Variants in CALN1 observed in about 807,000 individuals in gnomAD.
The protein encoded by CALN1 is calcium-binding protein 8.
In CALN1, 17 loss-of-function variants were observed where a neutral mutation model predicts 30.6. That is an observed-to-expected ratio of 0.56 (90% confidence interval 0.38 to 0.83). The LOEUF is 0.83. Among genes scored for constraint, CALN1 ranks in the 40% least tolerant of loss-of-function variants. The pLI, the probability that CALN1 is intolerant of heterozygous loss-of-function variation, is 0.00. For missense variants in CALN1, 291 were observed against 354.9 expected, an observed-to-expected ratio of 0.82 and a Z score of 1.45; for synonymous variants, 156 against 131.4, an observed-to-expected ratio of 1.19 and a Z score of -1.28.
chr7:71,964,859 T>C (rs1344400690), intron 5 of CALN1, among the ~76,000 whole-genome samples: 2 of 152,072 alleles, frequency 1.3e-5, no homozygotes, highest in East Asian at 1.9e-4. Context: ...TACTGACCAA[T>C]GTAATGTTCT....
chr7:71,784,558 G>A lies in CALN1; in HGVS notation c.*3217C>T, dbSNP rs1393503793. On this transcript the variant is annotated 3_prime_UTR_variant, in exon 7 of 7. Transcript: ENST00000395275. ...TGGAAAGGTGGGGCGCAGCTTCTTT[G>A]GGGATCAAGGGGGTCAGGGTCCATT... The A allele has an allele frequency of 8.5e-6, 3 of 352,016 alleles. No homozygotes were observed. The East Asian group carries it at 1.3e-4, about 15-fold the overall frequency. 21.8% of individuals were successfully genotyped at this position (352,016 alleles called of 1,614,324 possible).
chr7:72,352,413 G>C (rs528609385), intron 2 of CALN1, among the ~76,000 whole-genome samples: 64 of 132,056 alleles, frequency 4.8e-4, no homozygotes, highest in African/African-American at 1.8e-3. Context: ...AAAAAACTTT[G>C]AGATTTTAAA....
intron 3 of CALN1, among the ~76,000 whole-genome samples, chr7:72,125,774 C>A (rs2129542502): frequency 6.7e-6 from 1 of 150,256 alleles, no homozygotes; most frequent in East Asian, 2.0e-4. Flanking sequence ...CTGTCCTCCC[C>A]AAGTCCCAAG....
At chr7:72,332,386 G>A (rs533310518) in intron 2 of CALN1, among the ~76,000 whole-genome samples, 28 of 152,120 alleles carry the variant, frequency 1.8e-4, no homozygotes, top group South Asian at 8.3e-4. Flanking sequence ...ATAACGTCTC[G>A]GTGTTGCCAT....
chr7:71,910,522 G>A (rs1209043592), intron 5 of CALN1, among the ~76,000 whole-genome samples: 1 of 152,122 alleles, frequency 6.6e-6, no homozygotes, highest in East Asian at 1.9e-4. Flanking sequence ...GAACCAAGTT[G>A]GGCCAACTGC....
intron 5 of CALN1, among the ~76,000 whole-genome samples, chr7:71,917,700 G>C (rs1258478422): frequency 6.8e-6 from 1 of 146,748 alleles, no homozygotes; most frequent in Non-Finnish European, 1.5e-5. Context: ...ATCAGATCAT[G>C]AGACTCACTC....
At chr7:71,836,178 G>A (rs1178350018) in intron 5 of CALN1, among the ~76,000 whole-genome samples, 2 of 152,148 alleles carry the variant, frequency 1.3e-5, no homozygotes, top group Admixed American at 1.3e-4. Context: ...GGATCAACCG[G>A]GTCTCCGCCT....
At chr7:72,485,417 AG>A in the CALN1 span, among the ~76,000 whole-genome samples, 1 of 152,388 alleles carries the variant, frequency 6.6e-6, no homozygotes, top group Admixed American at 6.5e-5. Flanking sequence ...TTTTAATCAC[AG>A]AATTTAGAAA....
rs183217872 is a variant in CALN1 at position 72,237,546 on chromosome 7, G to A, written c.244+41140C>T. Among the ~76,000 whole-genome samples, 140 of 152,288 alleles carry A rather than the reference G, an allele frequency of 9.2e-4. 1 individual carries two copies. In the East Asian group the frequency reaches 0.015, roughly 16 times the overall value. On this transcript the variant is annotated intron_variant, in intron 3 of 6. Transcript: ENST00000395275. Reference sequence around the variant, plus strand: ...GGCACAGAAGCCACAGCGAGGGCCAGGAGACAGAAGCAGAAAAATGCATTA... The same window carrying A: ...GGCACAGAAGCCACAGCGAGGGCCAAGAGACAGAAGCAGAAAAATGCATTA...
intron 5 of CALN1, among the ~76,000 whole-genome samples, chr7:71,974,150 G>T (rs1797984235): frequency 6.6e-6 from 1 of 152,094 alleles, no homozygotes; most frequent in African/African-American, 2.4e-5. Flanking sequence ...GGGCATGGTG[G>T]TTCACGCCTG....
intron 6 of CALN1, among the ~76,000 whole-genome samples, chr7:71,796,298 C>A (rs1786918612): frequency 6.6e-6 from 1 of 151,370 alleles, no homozygotes; most frequent in Non-Finnish European, 1.5e-5. Flanking sequence ...GTCTTAAATT[C>A]TCTTGGGTGC....
At chr7:71,797,166 C>T (rs1469891380) in intron 6 of CALN1, among the ~76,000 whole-genome samples, 1 of 152,186 alleles carries the variant, frequency 6.6e-6, no homozygotes, top group Non-Finnish European at 1.5e-5. Flanking sequence ...GAGACACCGG[C>T]TTCCAAATGA....
intron 5 of CALN1, among the ~76,000 whole-genome samples, chr7:71,995,892 G>A (rs1337400730): frequency 6.6e-6 from 1 of 151,992 alleles, no homozygotes; most frequent in Non-Finnish European, 1.5e-5. Context: ...CCCCACAGCA[G>A]AGGAGAATCT....
chr7:71,957,493 C>T (rs1413349338), intron 5 of CALN1, among the ~76,000 whole-genome samples: 1 of 152,098 alleles, frequency 6.6e-6, no homozygotes, highest in Non-Finnish European at 1.5e-5. Flanking sequence ...CACTCTCAAA[C>T]CTTGACACTC....
intron 2 of CALN1, among the ~76,000 whole-genome samples, chr7:72,322,875 T>G (rs1441135568): frequency 1.3e-5 from 2 of 151,888 alleles, no homozygotes; most frequent in Non-Finnish European, 2.9e-5. Context: ...CCTGACATCA[T>G]TATTACACAC....
At chr7:72,392,201 A>G (rs1585644989) in intron 2 of CALN1, among the ~76,000 whole-genome samples, 1 of 152,192 alleles carries the variant, frequency 6.6e-6, no homozygotes, top group South Asian at 2.1e-4. Context: ...CAGGCACCTG[A>G]CATGGAAGTG....
intron 1 of CALN1, among the ~76,000 whole-genome samples, chr7:72,411,030 A>T (rs1807099402): frequency 6.6e-6 from 1 of 152,262 alleles, no homozygotes; most frequent in Non-Finnish European, 1.5e-5. Context: ...TACAAATAAT[A>T]GGTGAATTTA....
At chr7:72,219,836 G>A (rs1161506132) in intron 3 of CALN1, among the ~76,000 whole-genome samples, 4 of 152,028 alleles carry the variant, frequency 2.6e-5, no homozygotes, top group Non-Finnish European at 5.9e-5. Context: ...TGTCAATAGG[G>A]TCAGTTCAAG....
chr7:72,158,536 TAC>T (rs1787882551), intron 3 of CALN1, among the ~76,000 whole-genome samples: 1 of 152,184 alleles, frequency 6.6e-6, no homozygotes, highest in Non-Finnish European at 1.5e-5. Context: ...CTTGTTTAGC[TAC>T]AGTGTGGAGA....
Sources: gnomAD v4.1 joint callset for allele counts (sites outside exome capture counted in the v4.1 genomes callset) on GRCh38, gnomAD v4.1.1 for gene constraint, MANE v1.5 for transcripts, NCBI Gene and HGNC (gene_info 2026-07-23, HGNC 2026-07-21) for gene names.